Variants in KIAA1549L observed in about 807,000 individuals in gnomAD.
KIAA1549L encodes KIAA1549 like.
A neutral mutation model predicts 160.7 loss-of-function variants in KIAA1549L; 88 were observed. The observed-to-expected ratio is 0.55, with a 90% confidence interval of 0.46 to 0.65. The LOEUF is 0.65. KIAA1549L is among the 30% of genes least tolerant of loss of function. The pLI is 0.00. For missense variants in KIAA1549L, 2,258 were observed against 2,437.5 expected, an observed-to-expected ratio of 0.93 and a Z score of 1.55; for synonymous variants, 950 against 976.7, an observed-to-expected ratio of 0.97 and a Z score of 0.51.
intron 16 of KIAA1549L, among the ~76,000 whole-genome samples, chr11:33,625,996 G>A (rs1590410791): frequency 6.7e-6 from 1 of 150,058 alleles, no homozygotes; most frequent in South Asian, 2.1e-4. Flanking sequence ...AGTTTTCCCA[G>A]CACCATTTAT....
chr11:33,629,883 G>C (rs1006571427), intron 16 of KIAA1549L, among the ~76,000 whole-genome samples: 3 of 85,590 alleles, frequency 3.5e-5, no homozygotes, highest in South Asian at 6.5e-4. Flanking sequence ...AGAGTTTCCA[G>C]TTTTTCTGCT....
intron 1 of KIAA1549L, among the ~76,000 whole-genome samples, chr11:33,392,188 T>C (rs570439938): frequency 7.4e-4 from 113 of 152,346 alleles, no homozygotes; most frequent in Non-Finnish European, 1.3e-3. Context: ...TTATCAGTTA[T>C]ACAGTGCAGT....
intron 1 of KIAA1549L, among the ~76,000 whole-genome samples, chr11:33,513,769 G>T (rs1012843110): frequency 6.6e-6 from 1 of 152,196 alleles, no homozygotes; most frequent in East Asian, 1.9e-4. Flanking sequence ...TTGGCCACAG[G>T]GGGTGGTAGC....
intron 1 of KIAA1549L, among the ~76,000 whole-genome samples, chr11:33,470,282 A>G (rs78374818): frequency 0.02 from 2,982 of 152,260 alleles, 50 homozygotes; most frequent in Non-Finnish European, 0.031. Context: ...TTCTTTTCTC[A>G]TTGAATTGTC....
rs1850758873 is a variant in KIAA1549L at position 33,614,587 on chromosome 11, T to A, written c.5280-3946T>A. 2.7e-4 allele frequency among the ~76,000 whole-genome samples: 9 copies of A among 33,438 alleles called. No individual in the cohort carries two copies. The South Asian group carries it at 3.2e-3, about 12-fold the overall frequency. 21.9% of individuals were successfully genotyped at this position (33,438 alleles called of 152,430 possible). ...ATATATATATATATATATATATATTTTTTTTTTTTTTTTTTTTTTTTTTTT... is the reference window on the plus strand; with the variant it reads ...ATATATATATATATATATATATATTATTTTTTTTTTTTTTTTTTTTTTTTT... On this transcript the variant is annotated intron_variant, in intron 15 of 20. Transcript: ENST00000658780.
intron 1 of KIAA1549L, among the ~76,000 whole-genome samples, chr11:33,470,662 A>G (rs113312306): frequency 1.3e-5 from 2 of 152,104 alleles, no homozygotes; most frequent in African/African-American, 4.8e-5. Flanking sequence ...GCTGGTCTTG[A>G]ACTCTTGAGT....
At chr11:33,445,982 A>G (rs1053076518) in intron 1 of KIAA1549L, among the ~76,000 whole-genome samples, 7 of 152,194 alleles carry the variant, frequency 4.6e-5, no homozygotes, top group Non-Finnish European at 8.8e-5. Context: ...TCTGTAGTTC[A>G]TAAGCCAAAA....
At chr11:33,417,219 C>T (rs946024226) in intron 1 of KIAA1549L, among the ~76,000 whole-genome samples, 3 of 152,114 alleles carry the variant, frequency 2.0e-5, no homozygotes, top group Non-Finnish European at 2.9e-5. Flanking sequence ...TAAAGTACTA[C>T]ATTCACGTTT....
chr11:33,489,342 G>A (rs79331028), intron 1 of KIAA1549L, among the ~76,000 whole-genome samples: 2,652 of 152,228 alleles, frequency 0.017, 79 homozygotes, highest in African/African-American at 0.061. Context: ...GAGAGAGAGG[G>A]AAAGATATCT....
intron 1 of KIAA1549L, among the ~76,000 whole-genome samples, chr11:33,407,184 A>C (rs1221822725): frequency 5.0e-5 from 7 of 138,658 alleles, no homozygotes; most frequent in Admixed American, 4.9e-4. Context: ...TCCCGGGTTC[A>C]CGCCATTCTC....
At chr11:33,405,415 G>A (rs1166512174) in intron 1 of KIAA1549L, among the ~76,000 whole-genome samples, 1 of 151,726 alleles carries the variant, frequency 6.6e-6, no homozygotes, top group Admixed American at 6.6e-5. Flanking sequence ...CAGTGGTTTT[G>A]AGTAACAGAA....
At chr11:33,600,906 TGA>T (rs752810518) in intron 13 of KIAA1549L, among the ~76,000 whole-genome samples, 88 of 152,200 alleles carry the variant, frequency 5.8e-4, no homozygotes, top group Non-Finnish European at 1.1e-3. Flanking sequence ...CCATAGAAGA[TGA>T]GAGAGTGGGG....
intron 1 of KIAA1549L, among the ~76,000 whole-genome samples, chr11:33,540,463 G>A (rs981475740): frequency 2.6e-5 from 4 of 152,194 alleles, no homozygotes; most frequent in Non-Finnish European, 5.9e-5. Context: ...AGATAAGACT[G>A]CATGCAAAGT....
At chr11:33,539,014 C>A (rs958085378) in intron 1 of KIAA1549L, among the ~76,000 whole-genome samples, 5 of 152,164 alleles carry the variant, frequency 3.3e-5, no homozygotes, top group African/African-American at 9.7e-5. Flanking sequence ...TATATGTCTT[C>A]CTTTAGTAAT....
intron 6 of KIAA1549L, 31 bp downstream of exon 6, chr11:33,552,272 T>C (rs999218814): frequency 1.9e-6 from 3 of 1,583,288 alleles, no homozygotes; most frequent in South Asian, 1.2e-5. Context: ...GGCTGTGTAG[T>C]TGACAGACAA....
At chr11:33,618,112 G>T (rs912461709) in intron 15 of KIAA1549L, among the ~76,000 whole-genome samples, 12 of 152,212 alleles carry the variant, frequency 7.9e-5, no homozygotes, top group African/African-American at 2.9e-4. Context: ...ACACATCATA[G>T]AATCCTGCGT....
chr11:33,570,586 C>T (rs1855220275), intron 9 of KIAA1549L, among the ~76,000 whole-genome samples: 1 of 152,136 alleles, frequency 6.6e-6, no homozygotes, highest in Non-Finnish European at 1.5e-5. Flanking sequence ...GCCCCAGTTT[C>T]CCCCAAAAAA....
intron 1 of KIAA1549L, among the ~76,000 whole-genome samples, chr11:33,460,159 G>A (rs1050282776): frequency 1.3e-5 from 2 of 152,104 alleles, no homozygotes; most frequent in African/African-American, 4.8e-5. Flanking sequence ...AGGGCCACCT[G>A]TATCTCTCAA....
chr11:33,629,279 T>C (rs1851208296), intron 16 of KIAA1549L, among the ~76,000 whole-genome samples: 1 of 152,274 alleles, frequency 6.6e-6, no homozygotes, highest in Admixed American at 6.5e-5. Flanking sequence ...GAGTTGCTCT[T>C]CTCGAGGAGT....
Sources: allele counts gnomAD v4.1 joint callset (sites outside exome capture counted in the v4.1 genomes callset), GRCh38; gene constraint gnomAD v4.1.1; transcripts MANE v1.5; gene names NCBI Gene and HGNC (gene_info 2026-07-23, HGNC 2026-07-21).